The following ACSL3 variants were observed in gnomAD, a reference collection of about 807,000 sequenced individuals.
The protein encoded by ACSL3 is acyl-CoA synthetase long chain family member 3.
ACSL3 carries 34 observed loss-of-function variants against 84.7 expected under a neutral mutation model. The observed-to-expected ratio is 0.40, with a 90% CI of 0.31 to 0.53. ACSL3 has a LOEUF of 0.53. ACSL3 is among the 20% of genes least tolerant of loss of function. The pLI is 0.48. For missense variants in ACSL3, 680 were observed against 873.1 expected (o/e 0.78, Z 2.79); for synonymous variants, 315 against 299.4 (o/e 1.05, Z -0.54).
At chr2:222,889,380 T>C (rs1695793220) in intron 2 of ACSL3, among the ~76,000 whole-genome samples, 1 of 152,210 alleles carries the variant, frequency 6.6e-6, no homozygotes, top group Non-Finnish European at 1.5e-5. Flanking sequence ...CTCGTAGTCA[T>C]GTTATATAGG....
chr2:222,883,671 A>T (rs1695649099), intron 1 of ACSL3, among the ~76,000 whole-genome samples: 1 of 146,940 alleles, frequency 6.8e-6, no homozygotes, highest in East Asian at 2.0e-4. Context: ...TCTGCTTGCA[A>T]AATGCTTCAG....
chr2:222,943,990 C>T lies in ACSL3; in HGVS notation c.*2336C>T, dbSNP rs898713759. On this transcript the variant is annotated 3_prime_UTR_variant, in exon 17 of 17. Transcript: ENST00000357430. ...AATAAACTAAGCTCTATGAAGAATT[C>T]GTAAGCATTACATGTTCCAGTAAGT... 14 of 152,022 alleles carry T rather than the reference C, an allele frequency of 9.2e-5. No individual in the cohort carries two copies. The highest frequency in any genetic ancestry group is 1.6e-4 in the Non-Finnish European group (11 of 67,926). The allele number at this position is 152,022 out of a possible 1,614,324, so 9.4% of individuals were successfully genotyped here. A position where few individuals can be genotyped will look rare whatever the true frequency, so the allele number is the denominator to read the frequency against.
chr2:222,921,299 A>G lies in ACSL3; in HGVS notation c.825A>G (p.Lys275=), dbSNP rs1043277044. 6.3e-7 allele frequency: 1 copy of G among 1,595,046 alleles called. No homozygotes were observed. The highest frequency in any genetic ancestry group is 1.7e-5 in the Admixed American group (1 of 59,732). The change falls in exon 8 of 17, where the codon AAA becomes AAG. Residue 275 remains lysine, a synonymous_variant. Transcript: ENST00000357430. ...ATGCAGAAAACCAACCTCATAGCAA[A>G]CCATTGCCCTCAGATATTGCAGTAA... ...KASMENQPHS[K]PLPSDIAVIM... is the part of the protein sequence containing the mutation.
intron 1 of ACSL3, among the ~76,000 whole-genome samples, chr2:222,871,005 CAG>C (rs1004996886): frequency 4.6e-5 from 7 of 151,904 alleles, no homozygotes; most frequent in African/African-American, 1.7e-4. Flanking sequence ...GGACTAGAGA[CAG>C]AGGAATAGTT....
intron 1 of ACSL3, among the ~76,000 whole-genome samples, chr2:222,886,222 T>C (rs1337870407): frequency 6.6e-6 from 1 of 152,000 alleles, no homozygotes; most frequent in African/African-American, 2.4e-5. Flanking sequence ...ATGTTCTCCC[T>C]CCCCTTACCC....
At chr2:222,929,362 C>T (rs1574564122) in intron 13 of ACSL3, among the ~76,000 whole-genome samples, 1 of 151,836 alleles carries the variant, frequency 6.6e-6, no homozygotes, top group African/African-American at 2.4e-5. Flanking sequence ...CACTGCAATT[C>T]CATAGAAGTC....
At chr2:222,908,592 G>T in intron 3 of ACSL3, 141 bp from the exon 4 acceptor site, 1 of 546,714 alleles carries the variant, frequency 1.8e-6, no homozygotes. Context: ...GAGTCTCTTA[G>T]AAATATCAAG....
chr2:222,871,376 G>C (rs1357194177), intron 1 of ACSL3, among the ~76,000 whole-genome samples: 1 of 152,156 alleles, frequency 6.6e-6, no homozygotes, highest in African/African-American at 2.4e-5. Flanking sequence ...CTGGGTAGGC[G>C]ATGGTGAGAT....
Position 222,931,404 on chromosome 2 carries a change from ACT to A in ACSL3, c.1732+595_1732+596del, listed in dbSNP as rs1255914849. On this transcript the variant is annotated intron_variant, in intron 14 of 16. Coordinates refer to ENST00000357430, the MANE Select transcript of ACSL3 (RefSeq NM_004457.5). The stretch of plus-strand genomic sequence containing the variant: ...ACTCCAACCTGGGCAACAGAGCAAG[ACT>A]CTGTCTAAAAAAAAAAAAAAAGTTA... 5.9e-5 allele frequency among the ~76,000 whole-genome samples: 8 copies of A among 135,602 alleles called. No homozygotes were observed. The South Asian group carries it at 1.9e-3, about 33-fold the overall frequency. 89.0% of individuals were successfully genotyped at this position (135,602 alleles called of 152,430 possible).
At chr2:222,890,067 A>G (rs1695807624) in intron 2 of ACSL3, among the ~76,000 whole-genome samples, 1 of 152,250 alleles carries the variant, frequency 6.6e-6, no homozygotes, top group African/African-American at 2.4e-5. Context: ...TTTAAACCTT[A>G]TTTTTAGCTA....
At chr2:222,881,099 T>G (rs1695583054) in intron 1 of ACSL3, among the ~76,000 whole-genome samples, 1 of 152,246 alleles carries the variant, frequency 6.6e-6, no homozygotes, top group Non-Finnish European at 1.5e-5. Context: ...ATATGTAGTT[T>G]TACATTTCTA....
chr2:222,883,168 T>G (rs1190200198), intron 1 of ACSL3, among the ~76,000 whole-genome samples: 2 of 95,526 alleles, frequency 2.1e-5, no homozygotes, highest in African/African-American at 4.7e-5. Flanking sequence ...TTGCTTTCTG[T>G]TTTTTTTTTT....
rs765011836 is a variant in ACSL3 at position 222,922,844 on chromosome 2, T to A, written c.1080+13T>A. 1.2e-6 allele frequency: 2 copies of A among 1,613,388 alleles called. No homozygotes were observed. The highest frequency in any genetic ancestry group is 1.7e-6 in the Non-Finnish European group (2 of 1,179,762). Reference sequence around the variant, plus strand: ...TTTAGCAGATCAGGTAAGTTCAGTGTCTGTGACTTGAAATACTAAAAAATC... The same window carrying A: ...TTTAGCAGATCAGGTAAGTTCAGTGACTGTGACTTGAAATACTAAAAAATC... On this transcript the variant is annotated intron_variant, in intron 9 of 16. Transcript: ENST00000357430.
intron 1 of ACSL3, among the ~76,000 whole-genome samples, chr2:222,871,814 C>T (rs1408237375): frequency 6.6e-6 from 1 of 152,110 alleles, no homozygotes; most frequent in African/African-American, 2.4e-5. Flanking sequence ...ACAGCCTATT[C>T]TCATTCTGTT....
chr2:222,906,316 A>G, intron 3 of ACSL3, among the ~76,000 whole-genome samples: 1 of 151,994 alleles, frequency 6.6e-6, no homozygotes, highest in Non-Finnish European at 1.5e-5. Flanking sequence ...GCTTTCTTTA[A>G]CTCTCAGATC....
intron 4 of ACSL3, among the ~76,000 whole-genome samples, chr2:222,911,114 G>A (rs1005196984): frequency 2.0e-5 from 3 of 149,460 alleles, no homozygotes; most frequent in Admixed American, 1.3e-4. Context: ...CAATGGTGCC[G>A]TCTCAGCTCA....
chr2:222,934,006 A>G (rs1160868658), intron 15 of ACSL3, among the ~76,000 whole-genome samples: 1 of 152,188 alleles, frequency 6.6e-6, no homozygotes, highest in East Asian at 1.9e-4. Flanking sequence ...TCCTGATGTT[A>G]CTATTTTATG....
intron 1 of ACSL3, among the ~76,000 whole-genome samples, chr2:222,865,973 T>C (rs1004770055): frequency 6.6e-6 from 1 of 152,250 alleles, no homozygotes; most frequent in South Asian, 2.1e-4. Flanking sequence ...TGGTCAACTT[T>C]TCTGTCTCCT....
chr2:222,923,025 G>T, intron 9 of ACSL3, 53 bp from the exon 10 acceptor site: 1 of 1,471,792 alleles, frequency 6.8e-7, no homozygotes, highest in South Asian at 1.2e-5. Context: ...GAATACCATT[G>T]AATTTTAAAA....
Sources: gnomAD v4.1 joint callset for allele counts (sites outside exome capture counted in the v4.1 genomes callset) on GRCh38, gnomAD v4.1.1 for gene constraint, MANE v1.5 for transcripts, NCBI Gene and HGNC (gene_info 2026-07-23, HGNC 2026-07-21) for gene names.